SPG11: variants seen among roughly 807,000 people sequenced by gnomAD.
The protein encoded by SPG11 is spatacsin.
Under a neutral mutation model 274.0 loss-of-function variants are expected in SPG11, and 222 were observed. The observed-to-expected ratio is 0.81, with a 90% confidence interval of 0.73 to 0.91. The LOEUF is 0.91. Among genes scored for constraint, SPG11 ranks in the 40% least tolerant of loss-of-function variants. SPG11 has a pLI of 0.00. For missense variants in SPG11, 3,114 were observed against 2,872.7 expected (o/e 1.08, Z -1.92); for synonymous variants, 1,144 against 1,039.7 (o/e 1.10, Z -1.93).
chr15:44,599,306 A>G (rs2083124184), intron 21 of SPG11, among the ~76,000 whole-genome samples: 2 of 152,046 alleles, frequency 1.3e-5, no homozygotes, highest in African/African-American at 2.4e-5. Flanking sequence ...TATTTTTATT[A>G]TTATTTTTTT....
At position 44,572,980 on chromosome 15, in the gene SPG11, CTTTT is replaced by C. The variant is rs974510197; in HGVS notation, c.6206-164_6206-161del. ...TTGGTCATTTTATAGGACAGGAGTTCTTTTTTTTTTTTTTTTTTTTTTTTGAGAT... is the reference window on the plus strand; with the variant it reads ...TTGGTCATTTTATAGGACAGGAGTTCTTTTTTTTTTTTTTTTTTTTGAGAT... On this transcript the variant is annotated intron_variant, in intron 32 of 39. Transcript: ENST00000261866. 1.1e-4 allele frequency among the ~76,000 whole-genome samples: 9 copies of C among 83,296 alleles called. No individual in the cohort carries two copies. In the South Asian group the frequency reaches 1.8e-3, roughly 17 times the overall value. 54.6% of individuals were successfully genotyped at this position (83,296 alleles called of 152,430 possible).
Position 44,629,295 on chromosome 15 carries a change from A to G in SPG11, c.1829T>C (p.Leu610Ser). The change falls in exon 9 of 40, where the codon TTG becomes TCG. Residue 610 changes from leucine to serine, a missense_variant. Coordinates refer to ENST00000261866, the MANE Select transcript of SPG11 (RefSeq NM_025137.4). ...EPQSKHFSEQLLNLTLSFLNN... is the reference protein window; with the variant it reads ...EPQSKHFSEQSLNLTLSFLNN... ...AAGGAAAGACAGTGTAAGATTAAGC[A>G]ATTGTTCTGAAAAGTGTTTGCTTTG... 6 of 1,614,146 alleles carry G rather than the reference A, an allele frequency of 3.7e-6. No individual in the cohort carries two copies. Among genetic ancestry groups the G allele is most frequent in the Non-Finnish European group, 5.1e-6 (6 of 1,179,992 alleles).
At chr15:44,632,178 T>C (rs1207620926) in intron 8 of SPG11, among the ~76,000 whole-genome samples, 2 of 152,130 alleles carry the variant, frequency 1.3e-5, no homozygotes, top group Non-Finnish European at 2.9e-5. Flanking sequence ...AGATTGAAAC[T>C]GGACTGTTTG....
chr15:44,604,567 C>T (rs181873001), intron 20 of SPG11, among the ~76,000 whole-genome samples: 1 of 152,128 alleles, frequency 6.6e-6, no homozygotes, highest in Non-Finnish European at 1.5e-5. Flanking sequence ...TCTTACATCC[C>T]TGTTCAGTGG....
rs767024812 is a variant in SPG11 at position 44,660,609 on chromosome 15, A to G, written c.265T>C (p.Trp89Arg). The change falls in exon 2 of 40, where the codon TGG becomes CGG. Residue 89 changes from tryptophan (W) to arginine (R), a missense_variant. Trp to Arg is a moderately radical substitution (Grantham distance 101). Transcript: ENST00000261866. ...CLEGPFWHFL[W>R]EDSRNSSTPT... ...GTGCTGCTGTTACGAGAATCCTCCC[A>G]TAGAAAGCTAAGAAAAAAAGTTTAG... The G allele has an allele frequency of 7.4e-6, 12 of 1,614,068 alleles. No individual in the cohort carries two copies. Among genetic ancestry groups the G allele is most frequent in the Non-Finnish European group, 9.3e-6 (11 of 1,179,976 alleles).
intron 4 of SPG11, among the ~76,000 whole-genome samples, chr15:44,655,783 G>A (rs1403878331): frequency 6.6e-6 from 1 of 152,088 alleles, no homozygotes; most frequent in Admixed American, 6.6e-5. Context: ...AGTTGTTGAA[G>A]GGTCAACTGT....
At chr15:44,567,672 T>A in intron 35 of SPG11, 80 bp from the exon 36 acceptor site, 1 of 1,477,468 alleles carries the variant, frequency 6.8e-7, no homozygotes, top group East Asian at 2.3e-5. Context: ...CACCTTGTTC[T>A]GCATTCCTTA....
chr15:44,649,361 G>C (rs982972270), intron 6 of SPG11, among the ~76,000 whole-genome samples: 2 of 152,070 alleles, frequency 1.3e-5, no homozygotes, highest in East Asian at 3.9e-4. Context: ...ATCACACCCA[G>C]CTAATTTTTA....
chr15:44,573,445 G>C, intron 32 of SPG11, 102 bp downstream of exon 32: 5 of 1,257,148 alleles, frequency 4.0e-6, no homozygotes, highest in Non-Finnish European at 5.8e-6. Flanking sequence ...AAACTTGAGA[G>C]AACCACATAC....
Position 44,573,755 on chromosome 15 carries a change from A to G in SPG11, c.6007-10T>C. 6.2e-7 allele frequency: 1 copy of G among 1,614,194 alleles called. No individual in the cohort carries two copies. The highest frequency in any genetic ancestry group is 8.5e-7 in the Non-Finnish European group (1 of 1,180,016). On this transcript the variant is annotated splice_polypyrimidine_tract_variant and intron_variant, in intron 31 of 39. Coordinates refer to ENST00000261866, the MANE Select transcript of SPG11 (RefSeq NM_025137.4). ...AGGAACAGCCCAACTCCTGAGAGGA[A>G]GACAAAGCCAGTCAAGGCCACTTTT...
intron 33 of SPG11, among the ~76,000 whole-genome samples, chr15:44,571,496 CTTTTTTTT>C (rs796235342): frequency 1.6e-5 from 2 of 126,134 alleles, no homozygotes; most frequent in East Asian, 2.3e-4. Context: ...AATTTCTTTT[CTTTTTTTT>C]TTTTTTTTTT....
At chr15:44,620,469 A>G (rs755330830) in intron 14 of SPG11, 66 bp from the exon 15 acceptor site, 1 of 1,067,336 alleles carries the variant, frequency 9.4e-7, no homozygotes, top group African/African-American at 1.6e-5. Flanking sequence ...ACTCAACACT[A>G]AATTACTGAG....
rs529314570 is a variant in SPG11 at position 44,569,311 on chromosome 15, C to T, written c.6585+87G>A. On this transcript the variant is annotated intron_variant, in intron 35 of 39. Coordinates refer to ENST00000261866, the MANE Select transcript of SPG11 (RefSeq NM_025137.4). ...TCCCTCCATTTTCCCAAGAGTCTAC[C>T]CTGACTGAGATTATTCCTGAGAAAA... 5.0e-5 allele frequency: 50 copies of T among 996,446 alleles called. 1 individual carries two copies. The South Asian group carries it at 5.5e-4, about 11-fold the overall frequency. 61.7% of individuals were successfully genotyped at this position (996,446 alleles called of 1,614,324 possible).
At position 44,659,018 on chromosome 15, in the gene SPG11, T is replaced by C; in HGVS notation, c.667+61A>G. On this transcript the variant is annotated intron_variant, in intron 3 of 39. Coordinates refer to ENST00000261866, the MANE Select transcript of SPG11 (RefSeq NM_025137.4). ...TCCCAAAACTAAAGCCTAAAAAGGC[T>C]CATCTTTATAGGTGTTCTTCTCCTC... The C allele has an allele frequency of 4.0e-6, 6 of 1,515,600 alleles. No homozygotes were observed. The South Asian group carries it at 6.8e-5, about 17-fold the overall frequency. The allele number at this position is 1,515,600 out of a possible 1,614,324, so 93.9% of individuals were successfully genotyped here.
chr15:44,654,567 G>A (rs1159626548), intron 4 of SPG11, among the ~76,000 whole-genome samples: 1 of 151,642 alleles, frequency 6.6e-6, no homozygotes, highest in Admixed American at 6.6e-5. Flanking sequence ...GGCTGGGCGC[G>A]GTGGCTCACG....
At chr15:44,647,497 G>T (rs1308807678) in intron 7 of SPG11, among the ~76,000 whole-genome samples, 1 of 152,168 alleles carries the variant, frequency 6.6e-6, no homozygotes. Context: ...ATAATGGCTA[G>T]AAAGTGGAGA....
Position 44,629,389 on chromosome 15 carries a change from C to G in SPG11, c.1736-1G>C, listed in dbSNP as rs777476809. The G allele has an allele frequency of 1.2e-6, 2 of 1,613,736 alleles. No homozygotes were observed. Among genetic ancestry groups the G allele is most frequent in the Non-Finnish European group, 1.7e-6 (2 of 1,179,908 alleles). ...AATGCTGGTATCAGCTCTTCCACATCTGAGAAAGAACCAAAGAAATTAACA... is the reference window on the plus strand; with the variant it reads ...AATGCTGGTATCAGCTCTTCCACATGTGAGAAAGAACCAAAGAAATTAACA... On this transcript the variant is annotated splice_acceptor_variant, in intron 8 of 39. Transcript: ENST00000261866. LOFTEE classifies it high-confidence loss of function.
chr15:44,566,294 T>C lies in SPG11; in HGVS notation c.6766A>G (p.Lys2256Glu), dbSNP rs771589139. 6.2e-7 allele frequency: 1 copy of C among 1,614,146 alleles called. No homozygotes were observed. Among genetic ancestry groups the C allele is most frequent in the Non-Finnish European group, 8.5e-7 (1 of 1,180,020 alleles). The change falls in exon 37 of 40, where the codon AAG becomes GAG. Residue 2256 changes from lysine to glutamate, a missense_variant. Physicochemically the swap from Lys to Glu is moderately conservative, Grantham distance 56. Coordinates refer to ENST00000261866, the MANE Select transcript of SPG11 (RefSeq NM_025137.4). ...IESQPWEDSL[K>E]DGHQLKQLLL... The stretch of plus-strand genomic sequence containing the variant: ...AGTTGTTTCAGCTGGTGCCCATCCT[T>C]GAGGCTGTCCTCTGTAGGGGAAATA...
At chr15:44,661,302 T>TG (rs1441843609) in intron 1 of SPG11, among the ~76,000 whole-genome samples, 5 of 152,226 alleles carry the variant, frequency 3.3e-5, no homozygotes, top group African/African-American at 4.8e-5. Context: ...GCAAGACTGA[T>TG]GGTGTTTCAG....
Sources: gnomAD v4.1 joint callset for allele counts (sites outside exome capture counted in the v4.1 genomes callset) on GRCh38, gnomAD v4.1.1 for gene constraint, MANE v1.5 for transcripts, NCBI Gene and HGNC (gene_info 2026-07-23, HGNC 2026-07-21) for gene names.